Variants in PTK2 observed in about 807,000 individuals in gnomAD.
The protein encoded by PTK2 is protein tyrosine kinase 2.
In PTK2, 45 loss-of-function variants were observed where a neutral mutation model predicts 150.1. The observed-to-expected ratio is 0.30, with a 90% CI of 0.24 to 0.38. PTK2 has a LOEUF of 0.38. Ranked by LOEUF, PTK2 falls within the 10% of genes least tolerant of loss-of-function variation. The probability of loss-of-function intolerance (pLI) is 1.00; values close to 1 mark genes in which losing one functional copy is unlikely to be tolerated. For missense variants in PTK2, 919 were observed against 1,307.3 expected (o/e 0.70, Z 4.58); for synonymous variants, 432 against 449.2 (o/e 0.96, Z 0.48).
chr8:140,808,977 C>T (rs1456009862), intron 10 of PTK2, among the ~76,000 whole-genome samples: 2 of 152,078 alleles, frequency 1.3e-5, no homozygotes, highest in African/African-American at 4.8e-5. Context: ...AGGTGATCCA[C>T]CTGCCTCAGC....
chr8:140,735,314 G>A (rs1249036599), exon 22 of PTK2: 4 of 1,613,958 alleles, frequency 2.5e-6, no homozygotes, highest in Non-Finnish European at 3.4e-6. Flanking sequence ...CCAGCATTTC[G>A]TCATAAGGCT....
chr8:140,992,063 G>A (rs560889588), intron 1 of PTK2, among the ~76,000 whole-genome samples: 61 of 152,158 alleles, frequency 4.0e-4, no homozygotes, highest in Admixed American at 1.1e-3. Context: ...AGGCAGAGGT[G>A]GGCAGATCAC....
intron 31 of PTK2, among the ~76,000 whole-genome samples, chr8:140,659,952 T>C (rs148090846): frequency 2.3e-4 from 35 of 152,320 alleles, no homozygotes; most frequent in Admixed American, 8.5e-4. Flanking sequence ...TTAGGAGCAA[T>C]AGGATGTAAA....
At chr8:140,886,858 T>C (rs368430147) in intron 3 of PTK2, among the ~76,000 whole-genome samples, 1 of 152,188 alleles carries the variant, frequency 6.6e-6, no homozygotes, top group Non-Finnish European at 1.5e-5. Context: ...TTCTCCTAAG[T>C]AGGGAATTTC....
intron 26 of PTK2, among the ~76,000 whole-genome samples, chr8:140,694,933 T>G (rs2100025581): frequency 6.6e-6 from 1 of 152,198 alleles, no homozygotes; most frequent in South Asian, 2.1e-4. Flanking sequence ...AGGGTCAGGG[T>G]GGCCCTCACA....
intron 1 of PTK2, among the ~76,000 whole-genome samples, chr8:141,000,126 C>CACACACACACACA (rs1555522723): frequency 2.6e-4 from 37 of 142,728 alleles, no homozygotes; most frequent in South Asian, 4.4e-4. Flanking sequence ...CACACACACA[C>CACACACACACACA]CCCTTCTTCT....
chr8:140,916,471 T>C (rs937046116), intron 2 of PTK2, among the ~76,000 whole-genome samples: 1 of 152,246 alleles, frequency 6.6e-6, no homozygotes, highest in Admixed American at 6.5e-5. Context: ...TCCACTTGGC[T>C]AACTCCCATA....
At chr8:140,811,436 T>C (rs189509949) in intron 10 of PTK2, among the ~76,000 whole-genome samples, 1 of 152,110 alleles carries the variant, frequency 6.6e-6, no homozygotes, top group Non-Finnish European at 1.5e-5. Flanking sequence ...ACTTCAAAGG[T>C]TGAAGAAACG....
Position 141,000,030 on chromosome 8 carries a change from A to G in PTK2, c.-122+1095T>C, listed in dbSNP as rs893838377. On this transcript the variant is annotated intron_variant, in intron 1 of 31. Transcript: ENST00000522684. ...AAATGACTCGGAAAAAAAAAAAAAA[A>G]GAAACTTTACCCTCACTGAATTTAG... 4.2e-3 allele frequency among the ~76,000 whole-genome samples: 604 copies of G among 144,568 alleles called. 4 individuals carry two copies. The highest frequency in any genetic ancestry group is 0.014 in the African/African-American group (575 of 39,884). The allele number at this position is 144,568 out of a possible 152,430, so 94.8% of individuals were successfully genotyped here.
intron 2 of PTK2, among the ~76,000 whole-genome samples, chr8:140,902,354 G>T (rs2154607724): frequency 6.6e-6 from 1 of 152,232 alleles, no homozygotes; most frequent in South Asian, 2.1e-4. Flanking sequence ...TCTTTATCCA[G>T]TCTATCACTG....
At chr8:140,762,070 G>C (rs1280180626) in intron 15 of PTK2, among the ~76,000 whole-genome samples, 1 of 151,908 alleles carries the variant, frequency 6.6e-6, no homozygotes, top group East Asian at 1.9e-4. Flanking sequence ...ATCTCCATAG[G>C]TTATTGCATA....
At chr8:140,975,789 G>A (rs1333399623) in intron 1 of PTK2, among the ~76,000 whole-genome samples, 3 of 152,156 alleles carry the variant, frequency 2.0e-5, no homozygotes, top group East Asian at 3.8e-4. Flanking sequence ...AGAGACAACT[G>A]CACACATCAT....
intron 3 of PTK2, among the ~76,000 whole-genome samples, chr8:140,881,544 G>A (rs1164584001): frequency 1.3e-5 from 2 of 152,206 alleles, no homozygotes; most frequent in African/African-American, 4.8e-5. Flanking sequence ...CAATTCAAGA[G>A]GCGGCTCTCT....
chr8:140,700,610 A>C (rs969222545), intron 26 of PTK2, among the ~76,000 whole-genome samples: 3 of 151,560 alleles, frequency 2.0e-5, no homozygotes, highest in South Asian at 2.1e-4. Context: ...CAGCCTCCCA[A>C]GTAGCTGGGA....
At chr8:140,839,445 T>C (rs2100120942) in intron 7 of PTK2, among the ~76,000 whole-genome samples, 1 of 151,972 alleles carries the variant, frequency 6.6e-6, no homozygotes. Context: ...TATTGTCAAA[T>C]ACAGAACAGA....
intron 3 of PTK2, among the ~76,000 whole-genome samples, chr8:140,880,730 A>C (rs1166372471): frequency 6.6e-6 from 1 of 152,232 alleles, no homozygotes; most frequent in African/African-American, 2.4e-5. Flanking sequence ...TGATCATGAT[A>C]AAGGATATTA....
chr8:140,910,917 G>A (rs1430989224), intron 2 of PTK2, among the ~76,000 whole-genome samples: 3 of 152,020 alleles, frequency 2.0e-5, no homozygotes, highest in Non-Finnish European at 4.4e-5. Context: ...TTGCTCTGTC[G>A]CCCAGGCTGG....
intron 23 of PTK2, among the ~76,000 whole-genome samples, chr8:140,711,763 G>A (rs1200939630): frequency 6.6e-6 from 1 of 152,104 alleles, no homozygotes; most frequent in Non-Finnish European, 1.5e-5. Context: ...CTATGCCACC[G>A]TGTCTCCCAA....
chr8:140,960,662 T>C (rs1174680484), intron 1 of PTK2, among the ~76,000 whole-genome samples: 1 of 152,146 alleles, frequency 6.6e-6, no homozygotes, highest in Non-Finnish European at 1.5e-5. Context: ...ACATACAGAA[T>C]CAACACTTCA....
Sources: gnomAD v4.1 joint callset for allele counts (sites outside exome capture counted in the v4.1 genomes callset) on GRCh38, gnomAD v4.1.1 for gene constraint, MANE v1.5 for transcripts, NCBI Gene and HGNC (gene_info 2026-07-23, HGNC 2026-07-21) for gene names.